The following ZFHX3 variants were observed in gnomAD, a reference collection of about 807,000 sequenced individuals.
The protein encoded by ZFHX3 is zinc finger homeobox 3.
ZFHX3 carries 42 observed loss-of-function variants against 279.1 expected under a neutral mutation model. The observed-to-expected ratio is 0.15, with a 90% CI of 0.12 to 0.19. The LOEUF (loss-of-function observed/expected upper bound fraction) is 0.19, where lower values mean the gene tolerates loss of function less well. Ranked by LOEUF, ZFHX3 falls within the 10% of genes least tolerant of loss-of-function variation. The probability of loss-of-function intolerance (pLI) is 1.00; values close to 1 mark genes in which losing one functional copy is unlikely to be tolerated. For synonymous variants in ZFHX3, 2,293 were observed against 1,957.8 expected, an observed-to-expected ratio of 1.17 and a Z score of -4.52; for missense variants, 4,981 against 4,754.0, an observed-to-expected ratio of 1.05 and a Z score of -1.40.
At chr16:73,029,161 T>G (rs1332122735) in intron 1 of ZFHX3, among the ~76,000 whole-genome samples, 2 of 152,158 alleles carry the variant, frequency 1.3e-5, no homozygotes, top group Non-Finnish European at 2.9e-5. Flanking sequence ...GTTCGGAAAG[T>G]CTCTGCTAGG....
Position 73,349,645 on chromosome 16 carries a change from CCTCT to C in ZFHX3, c.-1290-31313_-1290-31310del, listed in dbSNP as rs1235508380. On this transcript the variant is annotated intron_variant, in intron 3 of 17. Transcript: ENST00000641206. The stretch of plus-strand genomic sequence containing the variant: ...CCCTTCCTCCCTCCCTCCCTCCCTC[CCTCT>C]CTCCCTCCTTCCCTCTCTCCCTCCT... Among the ~76,000 whole-genome samples the C allele has an allele frequency of 8.2e-4, 26 of 31,864 alleles. 1 individual carries two copies. Among genetic ancestry groups the C allele is most frequent in the East Asian group, 2.2e-3 (2 of 928 alleles). 20.9% of individuals were successfully genotyped at this position (31,864 alleles called of 152,430 possible). A position where few individuals can be genotyped will look rare whatever the true frequency, so the allele number is the denominator to read the frequency against.
At chr16:73,339,343 C>G (rs1226592318) in intron 3 of ZFHX3, among the ~76,000 whole-genome samples, 1 of 152,148 alleles carries the variant, frequency 6.6e-6, no homozygotes, top group African/African-American at 2.4e-5. Flanking sequence ...TGTGAGTGAA[C>G]TCCTTGAAGA....
At chr16:73,783,590 T>G (rs1959544479) in intron 1 of ZFHX3, among the ~76,000 whole-genome samples, 1 of 152,218 alleles carries the variant, frequency 6.6e-6, no homozygotes, top group South Asian at 2.1e-4. Flanking sequence ...CATTTTATTC[T>G]AGGAAATTGA....
intron 1 of ZFHX3, among the ~76,000 whole-genome samples, chr16:73,759,062 G>T (rs2053838309): frequency 6.6e-6 from 1 of 152,168 alleles, no homozygotes; most frequent in Non-Finnish European, 1.5e-5. Flanking sequence ...ATTCATACTT[G>T]TTAAGCTGGT....
chr16:73,303,503 G>A (rs1420948343), intron 4 of ZFHX3, among the ~76,000 whole-genome samples: 1 of 152,110 alleles, frequency 6.6e-6, no homozygotes, highest in Non-Finnish European at 1.5e-5. Flanking sequence ...ACACCTGGTT[G>A]GAGACTCATT....
intron 3 of ZFHX3, among the ~76,000 whole-genome samples, chr16:73,404,742 C>T (rs866132962): frequency 3.9e-5 from 6 of 152,138 alleles, no homozygotes; most frequent in African/African-American, 1.4e-4. Context: ...AGGATGTCCC[C>T]GCGAGCCCAG....
intron 8 of ZFHX3, among the ~76,000 whole-genome samples, chr16:73,086,256 T>TAAA (rs1356360806): frequency 2.6e-5 from 4 of 152,170 alleles, no homozygotes; most frequent in Non-Finnish European, 5.9e-5. Context: ...CCACGTGCAC[T>TAAA]GTTGGTGGGA....
At chr16:73,367,721 A>G (rs78737096) in intron 3 of ZFHX3, among the ~76,000 whole-genome samples, 1 of 152,152 alleles carries the variant, frequency 6.6e-6, no homozygotes, top group Non-Finnish European at 1.5e-5. Flanking sequence ...TCTGAGCCTC[A>G]TTCTTCCCAT....
At chr16:73,811,345 G>C (rs557334876) in intron 1 of ZFHX3, among the ~76,000 whole-genome samples, 6 of 152,040 alleles carry the variant, frequency 3.9e-5, no homozygotes, top group South Asian at 4.1e-4. Flanking sequence ...AAAAGTGATA[G>C]GTACAGCCTC....
chr16:73,066,459 G>A (rs954085653), intron 8 of ZFHX3, among the ~76,000 whole-genome samples: 12 of 152,172 alleles, frequency 7.9e-5, no homozygotes, highest in African/African-American at 2.9e-4. Context: ...GGACTCCCGG[G>A]AGGAAGCCTC....
intron 1 of ZFHX3, among the ~76,000 whole-genome samples, chr16:73,689,187 TTCAAAATA>T: frequency 6.6e-6 from 1 of 152,334 alleles, no homozygotes; most frequent in Admixed American, 6.5e-5. Flanking sequence ...CGTCTTTCAA[TTCAAAATA>T]TCAAAATAAG....
chr16:73,196,936 A>G (rs1567415863), intron 5 of ZFHX3, among the ~76,000 whole-genome samples: 1 of 152,174 alleles, frequency 6.6e-6, no homozygotes, highest in African/African-American at 2.4e-5. Context: ...GAGCTGGGAC[A>G]CTGGTATTGA....
chr16:73,103,426 C>T (rs1462018921), intron 7 of ZFHX3, among the ~76,000 whole-genome samples: 1 of 152,184 alleles, frequency 6.6e-6, no homozygotes, highest in Non-Finnish European at 1.5e-5. Context: ...TCCAGCAGTT[C>T]CCTCCTCCTG....
chr16:73,484,088 G>C (rs2143632939), intron 2 of ZFHX3, among the ~76,000 whole-genome samples: 1 of 152,170 alleles, frequency 6.6e-6, no homozygotes, highest in Admixed American at 6.5e-5. Flanking sequence ...GCTGCTTTCT[G>C]TTGCCCGAGC....
chr16:73,414,916 G>T (rs900210779), intron 3 of ZFHX3, among the ~76,000 whole-genome samples: 4 of 152,198 alleles, frequency 2.6e-5, no homozygotes, highest in Admixed American at 2.0e-4. Context: ...GAACAGACTA[G>T]CTAGGAAAGG....
intron 6 of ZFHX3, among the ~76,000 whole-genome samples, chr16:73,135,585 C>G (rs1461687083): frequency 6.6e-6 from 1 of 152,186 alleles, no homozygotes; most frequent in Non-Finnish European, 1.5e-5. Flanking sequence ...GACCTATGAA[C>G]TGAATGTGGC....
At chr16:73,213,786 C>G (rs183081901) in intron 5 of ZFHX3, among the ~76,000 whole-genome samples, 2 of 152,154 alleles carry the variant, frequency 1.3e-5, no homozygotes, top group East Asian at 1.9e-4. Flanking sequence ...TTTATGGGCC[C>G]GGGTCCCATT....
chr16:73,273,620 C>T (rs548783118), intron 4 of ZFHX3, among the ~76,000 whole-genome samples: 5 of 152,218 alleles, frequency 3.3e-5, no homozygotes, highest in African/African-American at 4.8e-5. Flanking sequence ...GAGATGTTTC[C>T]GCATCAGTTT....
intron 4 of ZFHX3, among the ~76,000 whole-genome samples, chr16:72,888,522 G>A (rs947815608): frequency 5.9e-5 from 9 of 152,336 alleles, no homozygotes; most frequent in Middle Eastern, 3.4e-3. Flanking sequence ...GCTGGGAGCC[G>A]AGGACCAGGC....
Sources: gnomAD v4.1 joint callset for allele counts (sites outside exome capture counted in the v4.1 genomes callset) on GRCh38, gnomAD v4.1.1 for gene constraint, MANE v1.5 for transcripts, NCBI Gene and HGNC (gene_info 2026-07-23, HGNC 2026-07-21) for gene names.